KLHL14: variants seen among roughly 807,000 people sequenced by gnomAD.
KLHL14 encodes kelch-like protein 14.
In KLHL14, 22 loss-of-function variants were observed where a neutral mutation model predicts 64.3. That is an observed-to-expected ratio of 0.34 (90% CI 0.24 to 0.49). KLHL14 has a LOEUF of 0.49. KLHL14 is among the 20% of genes least tolerant of loss of function. The probability of loss-of-function intolerance (pLI) is 0.99; values close to 1 mark genes in which losing one functional copy is unlikely to be tolerated. For missense variants in KLHL14, 661 were observed against 789.0 expected (o/e 0.84, Z 1.94); for synonymous variants, 322 against 333.4 (o/e 0.97, Z 0.37).
At chr18:32,728,428 A>C (rs12969530) in intron 3 of KLHL14, among the ~76,000 whole-genome samples, 44,893 of 152,092 alleles carry the variant, frequency 0.3, 6,886 homozygotes, top group African/African-American at 0.37. Flanking sequence ...GTCTGAATTA[A>C]ATTAACAAAT....
rs750629000 is a variant in KLHL14 at position 32,769,780 on chromosome 18, G to A, written c.812C>T (p.Ala271Val). The A allele has an allele frequency of 6.8e-6, 11 of 1,609,706 alleles. No homozygotes were observed. In the African/African-American group the frequency reaches 9.3e-5, roughly 14 times the overall value. Residue 271 changes from alanine (A) to valine (V), a missense_variant, in exon 2 of 9, where the codon GCC becomes GTC. By Grantham distance (64) the Ala-to-Val change is moderately conservative. Transcript: ENST00000359358. ...MKRLRFALIPAPELVERVQSV... is the reference protein window; with the variant it reads ...MKRLRFALIPVPELVERVQSV... ...CTGGACCCGCTCCACCAGCTCCGGG[G>A]CCGGGATGAGGGCGAAGCGGAGGCG...
chr18:32,731,949 G>A (rs991173205), intron 3 of KLHL14, among the ~76,000 whole-genome samples: 40 of 152,184 alleles, frequency 2.6e-4, no homozygotes, highest in African/African-American at 8.7e-4. Flanking sequence ...GGCTGAGCGC[G>A]GTGGCTTACA....
chr18:32,703,783 C>T (rs1001597506), intron 3 of KLHL14, among the ~76,000 whole-genome samples: 3 of 152,022 alleles, frequency 2.0e-5, no homozygotes, highest in African/African-American at 7.2e-5. Context: ...TTAATATCAA[C>T]GGTTTTACTT....
chr18:32,726,417 A>T (rs1365345949), intron 3 of KLHL14, among the ~76,000 whole-genome samples: 1 of 152,130 alleles, frequency 6.6e-6, no homozygotes, highest in African/African-American at 2.4e-5. Flanking sequence ...TAAGGCCAGG[A>T]GTTCAAGACC....
chr18:32,710,248 TAAAC>T (rs933396560), intron 3 of KLHL14, among the ~76,000 whole-genome samples: 17 of 152,196 alleles, frequency 1.1e-4, no homozygotes, highest in Non-Finnish European at 2.1e-4. Flanking sequence ...CATCTCCAAA[TAAAC>T]AAAGTTTCTT....
intron 4 of KLHL14, among the ~76,000 whole-genome samples, chr18:32,691,039 A>G (rs1038653975): frequency 6.6e-6 from 1 of 151,886 alleles, no homozygotes; most frequent in Non-Finnish European, 1.5e-5. Context: ...GAAATCTGCA[A>G]TCATTTCTGT....
chr18:32,684,776 T>A (rs1386578076), intron 5 of KLHL14, among the ~76,000 whole-genome samples: 1 of 152,002 alleles, frequency 6.6e-6, no homozygotes, highest in Non-Finnish European at 1.5e-5. Context: ...ATCTGAAGAG[T>A]GTCTCATATA....
At chr18:32,754,049 A>T (rs1320495851) in intron 2 of KLHL14, among the ~76,000 whole-genome samples, 2 of 152,220 alleles carry the variant, frequency 1.3e-5, no homozygotes, top group Admixed American at 1.3e-4. Context: ...CTTGCTACTG[A>T]GCAAGCTGGT....
chr18:32,750,078 CTCT>C (rs2050243917), intron 2 of KLHL14, among the ~76,000 whole-genome samples: 1 of 151,138 alleles, frequency 6.6e-6, no homozygotes, highest in African/African-American at 2.5e-5. Flanking sequence ...GCTCTCCTCT[CTCT>C]TCTTATAAAG....
chr18:32,697,978 A>T (rs545216882), intron 3 of KLHL14, among the ~76,000 whole-genome samples: 2 of 152,164 alleles, frequency 1.3e-5, no homozygotes, highest in African/African-American at 4.8e-5. Flanking sequence ...CTGAATTATT[A>T]CTGTGAATTG....
intron 3 of KLHL14, among the ~76,000 whole-genome samples, chr18:32,703,725 A>T (rs1395445260): frequency 6.6e-6 from 1 of 152,186 alleles, no homozygotes; most frequent in Non-Finnish European, 1.5e-5. Flanking sequence ...TTTTTATCTT[A>T]GTTCAAATAT....
rs151272169 is a variant in KLHL14 at position 32,752,216 on chromosome 18, G to A, written c.948-10167C>T. Reference sequence around the variant, plus strand: ...CCCCATAAGCCCCAAGGATCAGTGGGATTACAAAATCCCACTATCTAGGAG... The same window carrying A: ...CCCCATAAGCCCCAAGGATCAGTGGAATTACAAAATCCCACTATCTAGGAG... On this transcript the variant is annotated intron_variant, in intron 2 of 8. Coordinates refer to ENST00000359358, the MANE Select transcript of KLHL14 (RefSeq NM_020805.3). Among the ~76,000 whole-genome samples the A allele has an allele frequency of 1.8e-3, 272 of 152,284 alleles. 6 individuals are homozygous for A. In the East Asian group the frequency reaches 0.031, roughly 17 times the overall value.
Position 32,680,133 on chromosome 18 carries a change from T to C in KLHL14, c.1588+36A>G. Reference sequence around the variant, plus strand: ...AGCGAGAAATATGAGGTGCAAATGTTATTGTGACTAAAAAACAAAACAACA... The same window carrying C: ...AGCGAGAAATATGAGGTGCAAATGTCATTGTGACTAAAAAACAAAACAACA... On this transcript the variant is annotated intron_variant, in intron 7 of 8. Coordinates refer to ENST00000359358, the MANE Select transcript of KLHL14 (RefSeq NM_020805.3). The surrounding 1 kb of genome is among the most constrained non-coding windows in gnomAD (Gnocchi z 4.8). 6.2e-7 allele frequency: 1 copy of C among 1,604,308 alleles called. No homozygotes were observed. Among genetic ancestry groups the C allele is most frequent in the East Asian group, 2.2e-5 (1 of 44,658 alleles).
chr18:32,682,101 T>G (rs1350750295), intron 5 of KLHL14, among the ~76,000 whole-genome samples: 1 of 152,242 alleles, frequency 6.6e-6, no homozygotes, highest in African/African-American at 2.4e-5. Flanking sequence ...ACCATGAAGA[T>G]GTTTGCATTT....
chr18:32,763,976 AT>A (rs2050327549), intron 2 of KLHL14, among the ~76,000 whole-genome samples: 2 of 152,182 alleles, frequency 1.3e-5, no homozygotes, highest in African/African-American at 4.8e-5. Flanking sequence ...GGCAGGCAGG[AT>A]CTATACTCAA....
At chr18:32,752,403 T>C (rs546158743) in intron 2 of KLHL14, among the ~76,000 whole-genome samples, 2 of 152,322 alleles carry the variant, frequency 1.3e-5, no homozygotes, top group Admixed American at 1.3e-4. Flanking sequence ...AGGACATTCA[T>C]ATCAACCAAC....
intron 3 of KLHL14, among the ~76,000 whole-genome samples, chr18:32,712,656 A>G (rs2050025260): frequency 6.6e-6 from 1 of 152,034 alleles, no homozygotes; most frequent in South Asian, 2.1e-4. Context: ...TACCTATCCC[A>G]TGTCTCTTTT....
intron 3 of KLHL14, among the ~76,000 whole-genome samples, chr18:32,696,799 G>A (rs185000083): frequency 3.4e-4 from 52 of 152,094 alleles, no homozygotes; most frequent in Admixed American, 1.8e-3. Flanking sequence ...AAGCATTTAC[G>A]CTGGCTAAGA....
chr18:32,676,374 A>G (rs2049811417), intron 8 of KLHL14, among the ~76,000 whole-genome samples: 1 of 152,204 alleles, frequency 6.6e-6, no homozygotes, highest in Non-Finnish European at 1.5e-5. Context: ...GAGATATATG[A>G]GACATAATGA....
Sources: gnomAD v4.1 joint callset for allele counts (sites outside exome capture counted in the v4.1 genomes callset) on GRCh38, gnomAD v4.1.1 for gene constraint, Gnocchi (gnomAD v3.1) non-coding constraint, MANE v1.5 for transcripts, NCBI Gene and HGNC (gene_info 2026-07-23, HGNC 2026-07-21) for gene names.